ORC6: variants seen among roughly 807,000 people sequenced by gnomAD.
ORC6 encodes the protein origin recognition complex, subunit 6 homolog-like (yeast).
ORC6 carries 31 observed loss-of-function variants against 30.0 expected under a neutral mutation model. The observed-to-expected ratio is 1.03, with a 90% CI of 0.78 to 1.40. The LOEUF (loss-of-function observed/expected upper bound fraction) is 1.40. Among genes scored for constraint, ORC6 ranks in the 40% most tolerant of loss-of-function variants. The probability of loss-of-function intolerance (pLI) is 0.00; values close to 1 mark genes in which losing one functional copy is unlikely to be tolerated. For missense variants in ORC6, 340 were observed against 304.3 expected, an observed-to-expected ratio of 1.12 and a Z score of -0.87; for synonymous variants, 136 against 111.2, an observed-to-expected ratio of 1.22 and a Z score of -1.40.
At chr16:46,691,958 A>ACACACACACTCTCTCTTTCT in intron 2 of ORC6, among the ~76,000 whole-genome samples, 1 of 36,664 alleles carries the variant, frequency 2.7e-5, no homozygotes, top group Non-Finnish European at 5.1e-5. Context: ...ACACACACAC[A>ACACACACACTCTCTCTTTCT]CTCTCTCTCT....
intron 5 of ORC6, 114 bp downstream of exon 5, chr16:46,695,788 G>A (rs888111481): frequency 3.9e-6 from 3 of 778,040 alleles, no homozygotes; most frequent in Non-Finnish European, 2.3e-6. Flanking sequence ...CGTATTACAT[G>A]TGGACCAGGT....
chr16:46,696,452 T>C (rs1438264524), intron 6 of ORC6, among the ~76,000 whole-genome samples: 1 of 152,128 alleles, frequency 6.6e-6, no homozygotes, highest in Non-Finnish European at 1.5e-5. Context: ...TGGTTGGCTG[T>C]TTGTGATTGG....
At chr16:46,693,841 T>C (rs1464272384) in intron 4 of ORC6, 1 of 18,652 alleles carries the variant, frequency 5.4e-5, no homozygotes, top group East Asian at 1.2e-3. Flanking sequence ...ATTTTTTTTA[T>C]TTTTATTTTT....
At position 46,696,050 on chromosome 16, in the gene ORC6, A is replaced by G. The variant is rs765162979; in HGVS notation, c.596A>G (p.Lys199Arg). The stretch of plus-strand genomic sequence containing the variant: ...GGAGATGTAGCTACTCCACCACGGA[A>G]GAGAAAGAAGATAGTGGTTGAAGCC... Reference protein sequence around the residue: ...EPGDVATPPRKRKKIVVEAPA... With the variant: ...EPGDVATPPRRRKKIVVEAPA... Residue 199 changes from lysine (K) to arginine (R), a missense_variant, in exon 6 of 7, where the codon AAG becomes AGG. Transcript: ENST00000219097. The G allele has an allele frequency of 2.5e-6, 4 of 1,613,556 alleles. No individual in the cohort carries two copies. Among genetic ancestry groups the G allele is most frequent in the Non-Finnish European group, 3.4e-6 (4 of 1,179,408 alleles).
At position 46,689,702 on chromosome 16, in the gene ORC6, C is replaced by G; in HGVS notation, c.-4C>G. The G allele has an allele frequency of 6.3e-7, 1 of 1,599,372 alleles. No individual in the cohort carries two copies. Among genetic ancestry groups the G allele is most frequent in the Non-Finnish European group, 8.5e-7 (1 of 1,172,914 alleles). On this transcript the variant is annotated 5_prime_UTR_variant, in exon 1 of 7. Coordinates refer to ENST00000219097, the MANE Select transcript of ORC6 (RefSeq NM_014321.4). ...CGGGAATTGTTCGCTTTAGTGCCGG[C>G]GCCATGGGGTCGGAGCTGATCGGGC...
chr16:46,695,384 C>T, intron 4 of ORC6, 178 bp from the exon 5 acceptor site: 1 of 604,142 alleles, frequency 1.7e-6, no homozygotes, highest in Non-Finnish European at 2.9e-6. Flanking sequence ...TTTTAACTCT[C>T]AGTCCAATAA....
Position 46,697,985 on chromosome 16 carries a change from C to G in ORC6, c.*400C>G. The G allele has an allele frequency of 2.3e-6, 1 of 426,352 alleles. No homozygotes were observed. Among genetic ancestry groups the G allele is most frequent in the South Asian group, 1.7e-5 (1 of 59,330 alleles). 26.4% of individuals were successfully genotyped at this position (426,352 alleles called of 1,614,324 possible). On this transcript the variant is annotated 3_prime_UTR_variant, in exon 7 of 7. Transcript: ENST00000219097. ...CAAAAATTAGCCAGGTGTGATGGTG[C>G]ATGCCTGTAATCCCAGCTCCTCAGT... is the stretch of plus-strand genomic sequence containing the variant.
chr16:46,692,998 T>C (rs3218746), intron 3 of ORC6, 95 bp from the exon 4 acceptor site: 5 of 837,516 alleles, frequency 6.0e-6, no homozygotes, highest in South Asian at 2.7e-5. Context: ...AGCACACATA[T>C]CCATTTTAAA....
chr16:46,689,854 G>C, intron 1 of ORC6, 84 bp downstream of exon 1: 4 of 1,461,494 alleles, frequency 2.7e-6, no homozygotes, highest in Non-Finnish European at 2.7e-6. Context: ...CTTCCCAGGC[G>C]ACGGGCGGCG....
intron 4 of ORC6, 151 bp downstream of exon 4, chr16:46,693,333 C>T (rs1438916405): frequency 2.5e-5 from 16 of 650,288 alleles, no homozygotes; most frequent in Non-Finnish European, 4.5e-5. Context: ...ACTATATTCC[C>T]AGTTTATCCC....
intron 3 of ORC6, 131 bp from the exon 4 acceptor site, chr16:46,692,961 TA>T (rs1191344182): frequency 3.3e-5 from 24 of 720,176 alleles, no homozygotes; most frequent in African/African-American, 1.6e-4. Flanking sequence ...TTTTCAGTCT[TA>T]AAAAAAATGA....
At position 46,695,610 on chromosome 16, in the gene ORC6, T is replaced by C. The variant is rs149896160; in HGVS notation, c.498T>C (p.Gly166=). The change falls in exon 5 of 7, where the codon GGT becomes GGC. Residue 166 remains glycine, a synonymous_variant. Coordinates refer to ENST00000219097, the MANE Select transcript of ORC6 (RefSeq NM_014321.4). The part of the protein sequence containing the change: ...VDKNKMVATS[G]VKKAIFDRLC... ...AAAACAAAATGGTAGCCACATCCGG[T>C]GTAAAAAAAGCTATATTTGATCGAC... The C allele has an allele frequency of 6.2e-7, 1 of 1,613,770 alleles. No individual in the cohort carries two copies. Among genetic ancestry groups the C allele is most frequent in the South Asian group, 1.1e-5 (1 of 91,084 alleles).
chr16:46,697,945 T>A lies in ORC6; in HGVS notation c.*360T>A. ...GCCTGGCCAACATGGTGAAACCCCA[T>A]CTCTACTAAAAATACAAAAATTAGC... On this transcript the variant is annotated 3_prime_UTR_variant, in exon 7 of 7. Transcript: ENST00000219097. 4.5e-6 allele frequency: 2 copies of A among 447,492 alleles called. No homozygotes were observed. Among genetic ancestry groups the A allele is most frequent in the Non-Finnish European group, 9.0e-6 (2 of 222,376 alleles). 27.7% of individuals were successfully genotyped at this position (447,492 alleles called of 1,614,324 possible).
rs1353074590 is a variant in ORC6, at chr16:46,695,673, CAGTA to C, written c.562+4_562+7del. ...TAGAGAAGATTGGACAGCAGGTCGA[CAGTA>C]AGTATTCTGTAGTTCAAGAATGCGT... On this transcript the variant is annotated splice_donor_variant and splice_donor_region_variant and coding_sequence_variant and intron_variant, in exon 5 of 7. Transcript: ENST00000219097. LOFTEE classifies it high-confidence loss of function. 1 of 1,573,570 alleles carries C rather than the reference CAGTA, an allele frequency of 6.4e-7. No homozygotes were observed. The highest frequency in any genetic ancestry group is 8.7e-7 in the Non-Finnish European group (1 of 1,143,178).
Position 46,693,081 on chromosome 16 carries a change from C to T in ORC6, c.360-12C>T, listed in dbSNP as rs1198664897. 9.0e-6 allele frequency: 14 copies of T among 1,557,012 alleles called. No individual in the cohort carries two copies. Among genetic ancestry groups the T allele is most frequent in the Non-Finnish European group, 1.2e-5 (14 of 1,128,156 alleles). On this transcript the variant is annotated splice_polypyrimidine_tract_variant and intron_variant, in intron 3 of 6. Transcript: ENST00000219097. The stretch of plus-strand genomic sequence containing the variant: ...TTTCTAACAGATAATTCTGCAATAA[C>T]TTCTCCTTTAGCTATGAGTCCAGTC...
In ORC6 at chr16:46,689,782, C is replaced by G. The variant is rs377152575; in HGVS notation, c.65+12C>G. 5 of 1,585,460 alleles carry G rather than the reference C, an allele frequency of 3.2e-6. No individual in the cohort carries two copies. Among genetic ancestry groups the G allele is most frequent in the Admixed American group, 1.8e-5 (1 of 56,362 alleles). On this transcript the variant is annotated intron_variant, in intron 1 of 6. Transcript: ENST00000219097. Reference sequence around the variant, plus strand: ...CCCGACATGCTGAGGTGAGTTCGGCCGCGCAAGACCAGGGCTGGGCTTCCG... The same window carrying G: ...CCCGACATGCTGAGGTGAGTTCGGCGGCGCAAGACCAGGGCTGGGCTTCCG...
At position 46,692,440 on chromosome 16, in the gene ORC6, C is replaced by A; in HGVS notation, c.254C>A (p.Ser85Tyr). 1.2e-6 allele frequency: 2 copies of A among 1,613,722 alleles called. No homozygotes were observed. Among genetic ancestry groups the A allele is most frequent in the Non-Finnish European group, 1.7e-6 (2 of 1,179,620 alleles). ...GAGACATATCAGAGCTGTCTTAAAT[C>A]TTTTGAGTGTTTACTGGGCCTGAAT... ...NKETYQSCLK[S>Y]FECLLGLNSN... The change falls in exon 3 of 7, where the codon TCT becomes TAT. Residue 85 changes from serine (S) to tyrosine (Y), a missense_variant. Physicochemically the swap from Ser to Tyr is moderately radical, Grantham distance 144. Coordinates refer to ENST00000219097, the MANE Select transcript of ORC6 (RefSeq NM_014321.4).
intron 4 of ORC6, chr16:46,694,994 A>T (rs1966503333): frequency 6.4e-6 from 1 of 156,810 alleles, no homozygotes. Context: ...TCAATTCAAC[A>T]AAAGTATGTG....
chr16:46,695,322 C>T, intron 4 of ORC6: 1 of 501,624 alleles, frequency 2.0e-6, no homozygotes, highest in South Asian at 2.2e-5. Flanking sequence ...TGAAGCACTA[C>T]AGCAAATGTC....
Sources: gnomAD v4.1 joint callset for allele counts (sites outside exome capture counted in the v4.1 genomes callset) on GRCh38, gnomAD v4.1.1 for gene constraint, MANE v1.5 for transcripts, NCBI Gene and HGNC (gene_info 2026-07-23, HGNC 2026-07-21) for gene names.